GTF2E2: variants seen among roughly 807,000 people sequenced by gnomAD.
The protein encoded by GTF2E2 is transcription initiation factor IIE subunit beta.
GTF2E2 carries 21 observed loss-of-function variants against 40.5 expected under a neutral mutation model. The observed-to-expected ratio is 0.52, with a 90% CI of 0.37 to 0.75. GTF2E2 has a LOEUF of 0.75. Ranked by LOEUF, GTF2E2 falls within the 30% of genes least tolerant of loss-of-function variation. The probability of loss-of-function intolerance (pLI) is 0.00; values close to 1 mark genes in which losing one functional copy is unlikely to be tolerated. For missense variants in GTF2E2, 298 were observed against 338.4 expected (o/e 0.88, Z 0.94); for synonymous variants, 117 against 121.6 (o/e 0.96, Z 0.25).
chr8:30,604,288 G>A (rs1298759534), intron 6 of GTF2E2, among the ~76,000 whole-genome samples: 1 of 152,120 alleles, frequency 6.6e-6, no homozygotes, highest in Admixed American at 6.5e-5. Flanking sequence ...ATCTAGGAGT[G>A]TAAGGGTGGT....
At chr8:30,622,192 T>G (rs951463013) in intron 3 of GTF2E2, among the ~76,000 whole-genome samples, 1 of 127,836 alleles carries the variant, frequency 7.8e-6, no homozygotes, top group African/African-American at 3.1e-5. Flanking sequence ...TTAGGGAACC[T>G]GCCCCAATAG....
chr8:30,650,970 C>T (rs66493137), intron 2 of GTF2E2, among the ~76,000 whole-genome samples: 50,592 of 149,532 alleles, frequency 0.34, 8,587 homozygotes, highest in African/African-American at 0.4. Flanking sequence ...GCTGAGATTG[C>T]GCCACTGCAC....
intron 6 of GTF2E2, among the ~76,000 whole-genome samples, chr8:30,582,345 T>G (rs150728087): frequency 1.3e-5 from 2 of 152,328 alleles, no homozygotes; most frequent in African/African-American, 4.8e-5. Context: ...TTTTTACATT[T>G]TTTAGACTTT....
intron 6 of GTF2E2, among the ~76,000 whole-genome samples, chr8:30,580,644 A>C (rs1828492086): frequency 6.6e-6 from 1 of 152,198 alleles, no homozygotes; most frequent in Non-Finnish European, 1.5e-5. Context: ...GAGGGCTGCC[A>C]CAATGAAGCC....
rs191047747 is a variant in GTF2E2 at position 30,602,888 on chromosome 8, G to A, written c.643+4169C>T. Among the ~76,000 whole-genome samples the A allele has an allele frequency of 2.0e-5, 3 of 151,972 alleles. No individual in the cohort carries two copies. In the East Asian group the frequency reaches 5.8e-4, roughly 29 times the overall value. On this transcript the variant is annotated intron_variant, in intron 6 of 7. Coordinates refer to ENST00000355904, the MANE Select transcript of GTF2E2 (RefSeq NM_002095.6). ...GGATACTCGCCTTACAGTCCCACAC[G>A]TGGACACTATTCTGACCCTTGGCAA...
At chr8:30,646,968 A>G (rs1464973003) in intron 2 of GTF2E2, among the ~76,000 whole-genome samples, 1 of 116,444 alleles carries the variant, frequency 8.6e-6, no homozygotes, top group Non-Finnish European at 1.7e-5. Context: ...TGACAGAGCA[A>G]GACTCCGTCT....
At chr8:30,590,781 C>G (rs1197150492) in intron 6 of GTF2E2, among the ~76,000 whole-genome samples, 2 of 152,038 alleles carry the variant, frequency 1.3e-5, no homozygotes, top group African/African-American at 4.8e-5. Context: ...ACCTCACCCT[C>G]CCAGGTTCAA....
chr8:30,599,565 CGA>C (rs1829112816), intron 6 of GTF2E2, among the ~76,000 whole-genome samples: 1 of 127,216 alleles, frequency 7.9e-6, no homozygotes. Flanking sequence ...GGCAACAGAG[CGA>C]GAGTTTGTCT....
Position 30,650,792 on chromosome 8 carries a change from G to C in GTF2E2, c.166+2641C>G, listed in dbSNP as rs190252223. Among the ~76,000 whole-genome samples the C allele has an allele frequency of 2.6e-3, 402 of 152,178 alleles. 2 individuals are homozygous for C. The highest frequency in any genetic ancestry group is 4.2e-3 in the Non-Finnish European group (289 of 68,008). Reference sequence around the variant, plus strand: ...GCACTTTGGGAGGCCAAGGCGGGTGGATCACAAGGTCAGGAGATCGAGACC... The same window carrying C: ...GCACTTTGGGAGGCCAAGGCGGGTGCATCACAAGGTCAGGAGATCGAGACC... On this transcript the variant is annotated intron_variant, in intron 2 of 7. Coordinates refer to ENST00000355904, the MANE Select transcript of GTF2E2 (RefSeq NM_002095.6).
chr8:30,637,216 T>C (rs929834562), intron 2 of GTF2E2: 2 of 295,866 alleles, frequency 6.8e-6, no homozygotes, highest in African/African-American at 2.2e-5. Context: ...CATTTAATGC[T>C]TGTTTAAGTA....
intron 6 of GTF2E2, among the ~76,000 whole-genome samples, chr8:30,581,256 G>A (rs1828508704): frequency 6.6e-6 from 1 of 152,152 alleles, no homozygotes; most frequent in Non-Finnish European, 1.5e-5. Context: ...CACGCACTGA[G>A]GGGATGCACC....
At chr8:30,640,712 T>A (rs1488218352) in intron 2 of GTF2E2, among the ~76,000 whole-genome samples, 1 of 152,212 alleles carries the variant, frequency 6.6e-6, no homozygotes, top group African/African-American at 2.4e-5. Flanking sequence ...GTATTTCTAT[T>A]TTTTGGCGGG....
chr8:30,620,505 G>C (rs910276057), intron 3 of GTF2E2, among the ~76,000 whole-genome samples: 19 of 152,066 alleles, frequency 1.2e-4, no homozygotes, highest in African/African-American at 3.9e-4. Flanking sequence ...TTTTAAAATA[G>C]TGTATTTTAC....
At chr8:30,637,310 A>C (rs769657612) in intron 2 of GTF2E2, 3 of 455,906 alleles carry the variant, frequency 6.6e-6, no homozygotes, top group Non-Finnish European at 8.8e-6. Flanking sequence ...TTAAGGACAA[A>C]CACCACACAA....
intron 5 of GTF2E2, among the ~76,000 whole-genome samples, chr8:30,610,462 A>AG (rs1829448968): frequency 1.3e-5 from 2 of 148,272 alleles, no homozygotes; most frequent in East Asian, 3.9e-4. Context: ...AAAAAAAAAA[A>AG]GGCTACATTA....
At chr8:30,609,047 C>T (rs1829404934) in intron 5 of GTF2E2, among the ~76,000 whole-genome samples, 1 of 152,122 alleles carries the variant, frequency 6.6e-6, no homozygotes, top group Admixed American at 6.5e-5. Flanking sequence ...CTGCACTCGG[C>T]CGAGGTCAGG....
chr8:30,630,605 C>G (rs1306723551), intron 3 of GTF2E2, among the ~76,000 whole-genome samples: 1 of 152,106 alleles, frequency 6.6e-6, no homozygotes, highest in East Asian at 1.9e-4. Context: ...CTTCTCTTTA[C>G]CTTCCACCTC....
chr8:30,592,409 C>T (rs1218892649), intron 6 of GTF2E2, among the ~76,000 whole-genome samples: 1 of 152,144 alleles, frequency 6.6e-6, no homozygotes, highest in Non-Finnish European at 1.5e-5. Context: ...TCCAAATGGA[C>T]AGTCTCCAAA....
chr8:30,581,892 T>G (rs2151105226), intron 6 of GTF2E2, among the ~76,000 whole-genome samples: 1 of 152,340 alleles, frequency 6.6e-6, no homozygotes, highest in East Asian at 1.9e-4. Context: ...CTACTGAATG[T>G]ATGAAACACC....
Sources: allele counts gnomAD v4.1 joint callset (sites outside exome capture counted in the v4.1 genomes callset), GRCh38; gene constraint gnomAD v4.1.1; transcripts MANE v1.5; gene names NCBI Gene and HGNC (gene_info 2026-07-23, HGNC 2026-07-21).